POLR3G: variants seen among roughly 807,000 people sequenced by gnomAD.
The protein encoded by POLR3G is DNA-directed RNA polymerase III subunit RPC7.
A neutral mutation model predicts 30.1 loss-of-function variants in POLR3G; 28 were observed. The ratio of observed to expected loss-of-function variants is 0.93; its 90% CI spans 0.69 to 1.27. POLR3G has a LOEUF of 1.27. Ranked by LOEUF, POLR3G falls within the 50% of genes most tolerant of loss-of-function variation. The pLI is 0.00. For missense variants in POLR3G, 254 were observed against 264.6 expected, an observed-to-expected ratio of 0.96 and a Z score of 0.28; for synonymous variants, 79 against 82.5, an observed-to-expected ratio of 0.96 and a Z score of 0.23.
At chr5:90,481,131 A>G (rs1018276975) in intron 1 of POLR3G, among the ~76,000 whole-genome samples, 1 of 152,212 alleles carries the variant, frequency 6.6e-6, no homozygotes. Context: ...TGCAATTCAT[A>G]ATGGAAAAAT....
chr5:90,510,240 T>C (rs1163583255), intron 7 of POLR3G, among the ~76,000 whole-genome samples: 3 of 151,944 alleles, frequency 2.0e-5, no homozygotes, highest in Admixed American at 6.5e-5. Flanking sequence ...TAGCCGGGCG[T>C]GGTGGCAGGC....
chr5:90,499,524 GCTTAA>G (rs911079774), intron 5 of POLR3G, among the ~76,000 whole-genome samples: 4 of 152,174 alleles, frequency 2.6e-5, no homozygotes, highest in Non-Finnish European at 5.9e-5. Flanking sequence ...GATTGGAATG[GCTTAA>G]CCGGTAAATG....
At chr5:90,478,188 G>A (rs1050631063) in intron 1 of POLR3G, among the ~76,000 whole-genome samples, 1 of 142,744 alleles carries the variant, frequency 7.0e-6, no homozygotes, top group African/African-American at 2.5e-5. Flanking sequence ...TTTGGTAGTT[G>A]ATTAAAATTG....
upstream of POLR3G, chr5:90,474,552 A>G (rs986057237): frequency 3.1e-5 from 16 of 509,324 alleles, no homozygotes; most frequent in Admixed American, 1.5e-4. Context: ...ACGGGGGCGC[A>G]GGAGCTACCG....
intron 3 of POLR3G, among the ~76,000 whole-genome samples, chr5:90,492,566 G>T (rs1751776490): frequency 6.6e-6 from 1 of 152,076 alleles, no homozygotes; most frequent in Admixed American, 6.5e-5. Flanking sequence ...GAAGATGGCT[G>T]GGCCATCCTC....
chr5:90,505,999 C>G (rs766293324), intron 6 of POLR3G, among the ~76,000 whole-genome samples: 5 of 152,016 alleles, frequency 3.3e-5, no homozygotes, highest in Admixed American at 3.3e-4. Flanking sequence ...CTTTGGGAGG[C>G]TAAGGTGGGC....
At chr5:90,497,988 T>G (rs1752070003) in intron 5 of POLR3G, among the ~76,000 whole-genome samples, 1 of 152,140 alleles carries the variant, frequency 6.6e-6, no homozygotes, top group African/African-American at 2.4e-5. Flanking sequence ...CATGCACCTG[T>G]AGTCCCAGCT....
rs1752880396 is a variant in POLR3G at position 90,514,554 on chromosome 5, A to C, written c.*2415A>C. 1 of 152,236 alleles carries C rather than the reference A, an allele frequency of 6.6e-6. No individual in the cohort carries two copies. Among genetic ancestry groups the C allele is most frequent in the African/African-American group, 2.4e-5 (1 of 41,452 alleles). 9.4% of individuals were successfully genotyped at this position (152,236 alleles called of 1,614,324 possible). ...TGAATAAACAATCACCACAAACAAC[A>C]AAACTCTGGTTAATGATTATTCAAA... is the stretch of plus-strand genomic sequence containing the variant. On this transcript the variant is annotated 3_prime_UTR_variant, in exon 8 of 8. Coordinates refer to ENST00000651687, the MANE Select transcript of POLR3G (RefSeq NM_006467.3).
intron 1 of POLR3G, among the ~76,000 whole-genome samples, chr5:90,475,796 C>A (rs1342448768): frequency 6.6e-6 from 1 of 152,230 alleles, no homozygotes; most frequent in Admixed American, 6.5e-5. Flanking sequence ...ACTGCATCCT[C>A]CGCCTCCTGG....
intron 3 of POLR3G, among the ~76,000 whole-genome samples, chr5:90,492,332 A>G (rs979277819): frequency 1.3e-5 from 2 of 152,212 alleles, no homozygotes; most frequent in Non-Finnish European, 2.9e-5. Flanking sequence ...AAAACCTGGA[A>G]CATCCTGTTT....
chr5:90,489,253 ACTT>A (rs1198646333), intron 3 of POLR3G, among the ~76,000 whole-genome samples: 60 of 151,216 alleles, frequency 4.0e-4, no homozygotes, highest in Non-Finnish European at 6.5e-4. Flanking sequence ...TCTCAAAAAT[ACTT>A]AATTTTTTTT....
chr5:90,486,198 C>T (rs549004460), intron 2 of POLR3G, among the ~76,000 whole-genome samples: 4 of 152,168 alleles, frequency 2.6e-5, no homozygotes, highest in Admixed American at 6.5e-5. Context: ...ATAATGTTTT[C>T]GCTTTATGTT....
intron 7 of POLR3G, among the ~76,000 whole-genome samples, chr5:90,509,305 T>C (rs899743531): frequency 8.5e-5 from 13 of 152,274 alleles, no homozygotes; most frequent in African/African-American, 3.1e-4. Context: ...ATCTCTCTGA[T>C]TGCATCCCTC....
chr5:90,494,437 A>C (rs989818642), intron 3 of POLR3G, among the ~76,000 whole-genome samples: 1 of 152,178 alleles, frequency 6.6e-6, no homozygotes, highest in Non-Finnish European at 1.5e-5. Context: ...TCATATGGTA[A>C]CTCTGTATTT....
intron 4 of POLR3G, among the ~76,000 whole-genome samples, chr5:90,496,270 T>G (rs1302879323): frequency 1.3e-5 from 2 of 152,162 alleles, no homozygotes; most frequent in Non-Finnish European, 2.9e-5. Context: ...CCCCCACCCT[T>G]AATATACATT....
Position 90,488,025 on chromosome 5 carries a change from T to C in POLR3G, c.143T>C (p.Leu48Pro), listed in dbSNP as rs759740165. ...FPDTDYKPVP[L>P]KTGEGEEYML... ...GATACAGATTATAAACCAGTGCCAC[T>C]GAAAACAGGAGAAGGTGAAGAATAT... is the stretch of plus-strand genomic sequence containing the variant. The change falls in exon 3 of 8, where the codon CTG (leucine) becomes CCG (proline). Residue 48 changes from leucine to proline, a missense_variant. Transcript: ENST00000651687. The C allele has an allele frequency of 1.0e-5, 16 of 1,606,322 alleles. No individual in the cohort carries two copies. The highest frequency in any genetic ancestry group is 1.4e-5 in the Non-Finnish European group (16 of 1,177,492).
At chr5:90,492,446 A>G (rs929478078) in intron 3 of POLR3G, among the ~76,000 whole-genome samples, 3 of 152,222 alleles carry the variant, frequency 2.0e-5, no homozygotes, top group Admixed American at 2.0e-4. Flanking sequence ...AAAGACAACA[A>G]TGATTGAAAG....
intron 4 of POLR3G, among the ~76,000 whole-genome samples, chr5:90,496,215 G>A (rs777924476): frequency 1.3e-4 from 20 of 151,966 alleles, no homozygotes; most frequent in Non-Finnish European, 2.2e-4. Context: ...TGATCCGCCC[G>A]CCTCAGCCTC....
intron 1 of POLR3G, among the ~76,000 whole-genome samples, chr5:90,479,451 C>T (rs1408385642): frequency 6.6e-6 from 1 of 152,052 alleles, no homozygotes; most frequent in African/African-American, 2.4e-5. Flanking sequence ...CCAGCCTGGG[C>T]GACAGAGCAA....
Sources: gnomAD v4.1 joint callset for allele counts (sites outside exome capture counted in the v4.1 genomes callset) on GRCh38, gnomAD v4.1.1 for gene constraint, MANE v1.5 for transcripts, NCBI Gene and HGNC (gene_info 2026-07-23, HGNC 2026-07-21) for gene names.